KIF26B: variants seen among roughly 807,000 people sequenced by gnomAD.
The protein encoded by KIF26B is kinesin-like protein KIF26B.
A neutral mutation model predicts 151.2 loss-of-function variants in KIF26B; 63 were observed. That is an observed-to-expected ratio of 0.42 (90% CI 0.34 to 0.51). The LOEUF is 0.51. Among genes scored for constraint, KIF26B ranks in the 20% least tolerant of loss-of-function variants. The probability of loss-of-function intolerance (pLI) is 0.07; values close to 1 mark genes in which losing one functional copy is unlikely to be tolerated. For missense variants in KIF26B, 2,813 were observed against 2,913.6 expected (o/e 0.97, Z 0.79); for synonymous variants, 1,357 against 1,262.1 (o/e 1.08, Z -1.59).
chr1:245,387,285 C>T (rs911944965), intron 3 of KIF26B, among the ~76,000 whole-genome samples: 2 of 151,942 alleles, frequency 1.3e-5, no homozygotes, highest in African/African-American at 4.8e-5. Context: ...CTGCCTCAGC[C>T]TCCCGAGTAG....
At chr1:245,305,318 T>C (rs1023959571) in intron 2 of KIF26B, among the ~76,000 whole-genome samples, 9 of 152,110 alleles carry the variant, frequency 5.9e-5, no homozygotes, top group African/African-American at 2.2e-4. Flanking sequence ...ACCCACAGAA[T>C]GGGAGAAAAT....
chr1:245,426,559 T>C (rs1457821839), intron 4 of KIF26B, among the ~76,000 whole-genome samples: 2 of 152,240 alleles, frequency 1.3e-5, no homozygotes, highest in Non-Finnish European at 2.9e-5. Context: ...GCTCCCTGTG[T>C]TACCTGAACA....
intron 1 of KIF26B, among the ~76,000 whole-genome samples, chr1:245,155,904 C>G (rs1009489836): frequency 2.0e-5 from 3 of 151,992 alleles, no homozygotes; most frequent in Admixed American, 2.0e-4. Context: ...CTCCCCCTAC[C>G]CCCCCCATAG....
At chr1:245,172,332 C>T (rs563632085) in intron 2 of KIF26B, among the ~76,000 whole-genome samples, 41 of 152,264 alleles carry the variant, frequency 2.7e-4, no homozygotes, top group African/African-American at 9.1e-4. Flanking sequence ...CAGGCCCCGC[C>T]TAAGAAGTGT....
chr1:245,266,102 T>C (rs1670740252), intron 2 of KIF26B, among the ~76,000 whole-genome samples: 2 of 152,202 alleles, frequency 1.3e-5, no homozygotes, highest in Non-Finnish European at 2.9e-5. Context: ...TAAAGAACTA[T>C]TAAATAAGAA....
chr1:245,236,423 G>A (rs1180622376), intron 2 of KIF26B, among the ~76,000 whole-genome samples: 1 of 152,050 alleles, frequency 6.6e-6, no homozygotes, highest in East Asian at 1.9e-4. Flanking sequence ...GAAAGTTAAA[G>A]GATATTGCGT....
chr1:245,612,248 C>T (rs1352803766), intron 9 of KIF26B, among the ~76,000 whole-genome samples: 1 of 152,114 alleles, frequency 6.6e-6, no homozygotes, highest in Non-Finnish European at 1.5e-5. Context: ...TAGCTTGGGA[C>T]TACAGGCTCA....
At chr1:245,491,779 G>A (rs768485022) in intron 4 of KIF26B, among the ~76,000 whole-genome samples, 4 of 152,090 alleles carry the variant, frequency 2.6e-5, no homozygotes, top group Non-Finnish European at 5.9e-5. Context: ...GTGGTGGCGG[G>A]TGCCTGTAAT....
chr1:245,302,740 C>T (rs529661616), intron 2 of KIF26B, among the ~76,000 whole-genome samples: 2 of 152,042 alleles, frequency 1.3e-5, no homozygotes, highest in East Asian at 1.9e-4. Context: ...CCTGTAATCC[C>T]AGCACTTTGG....
In KIF26B at chr1:245,428,554, C is replaced by G. The variant is rs191126397; in HGVS notation, c.1166+8809C>G. Among the ~76,000 whole-genome samples the G allele has an allele frequency of 5.9e-3, 891 of 152,180 alleles. 4 individuals carry two copies. Among genetic ancestry groups the G allele is most frequent in the Non-Finnish European group, 9.9e-3 (671 of 68,018 alleles). ...GATAACCCTAACATCCAATATGCAA[C>G]CCCAGCAACCCCCAACTGTTCTGTT... is the stretch of plus-strand genomic sequence containing the variant. On this transcript the variant is annotated intron_variant, in intron 4 of 14. Coordinates refer to ENST00000407071, the MANE Select transcript of KIF26B (RefSeq NM_018012.4).
chr1:245,430,867 C>A (rs974627549), intron 4 of KIF26B, among the ~76,000 whole-genome samples: 11 of 152,134 alleles, frequency 7.2e-5, no homozygotes, highest in African/African-American at 2.7e-4. Flanking sequence ...GTAGGCAACG[C>A]ATAGGGATCC....
chr1:245,356,877 A>G (rs1672712768), intron 2 of KIF26B, among the ~76,000 whole-genome samples: 1 of 152,228 alleles, frequency 6.6e-6, no homozygotes, highest in Non-Finnish European at 1.5e-5. Context: ...TTGCAGTATC[A>G]CTAGATGATC....
chr1:245,187,546 AGAG>A (rs1319684445), intron 2 of KIF26B, among the ~76,000 whole-genome samples: 1 of 152,252 alleles, frequency 6.6e-6, no homozygotes, highest in African/African-American at 2.4e-5. Context: ...TGGTTAATGC[AGAG>A]GAGTATTGCT....
intron 10 of KIF26B, among the ~76,000 whole-genome samples, chr1:245,659,832 A>C (rs2044115018): frequency 1.3e-5 from 2 of 151,732 alleles, no homozygotes; most frequent in Non-Finnish European, 2.9e-5. Context: ...TGAGGTGAGG[A>C]GTTTAAGACC....
chr1:245,665,512 A>G (rs935120235), intron 10 of KIF26B, among the ~76,000 whole-genome samples: 1 of 152,134 alleles, frequency 6.6e-6, no homozygotes, highest in Non-Finnish European at 1.5e-5. Flanking sequence ...TTTTTAATCC[A>G]ATTTAAACTT....
intron 4 of KIF26B, among the ~76,000 whole-genome samples, chr1:245,462,026 A>G (rs1659659689): frequency 6.6e-6 from 1 of 152,170 alleles, no homozygotes; most frequent in African/African-American, 2.4e-5. Context: ...CCAGGTACTC[A>G]GGAGGCTGAG....
chr1:245,417,193 T>C (rs2103034810), intron 3 of KIF26B, among the ~76,000 whole-genome samples: 1 of 152,330 alleles, frequency 6.6e-6, no homozygotes, highest in Non-Finnish European at 1.5e-5. Context: ...AAATATTTTC[T>C]AAGATAAAAA....
At chr1:245,382,729 C>A (rs777880961) in intron 3 of KIF26B, among the ~76,000 whole-genome samples, 30 of 151,718 alleles carry the variant, frequency 2.0e-4, no homozygotes, top group Non-Finnish European at 4.0e-4. Flanking sequence ...CCACCACGCC[C>A]GGCTAATTTT....
At chr1:245,342,477 AC>A in intron 2 of KIF26B, among the ~76,000 whole-genome samples, 1 of 152,238 alleles carries the variant, frequency 6.6e-6, no homozygotes, top group South Asian at 2.1e-4. Context: ...TGGGACCGTC[AC>A]CCACCGGTGG....
Sources: gnomAD v4.1 joint callset for allele counts (sites outside exome capture counted in the v4.1 genomes callset) on GRCh38, gnomAD v4.1.1 for gene constraint, MANE v1.5 for transcripts, NCBI Gene and HGNC (gene_info 2026-07-23, HGNC 2026-07-21) for gene names.